KCNK10: variants seen among roughly 807,000 people sequenced by gnomAD.
KCNK10 encodes the protein potassium two pore domain channel subfamily K member 10.
In KCNK10, 25 loss-of-function variants were observed where a neutral mutation model predicts 47.7. The observed-to-expected ratio is 0.52, with a 90% CI of 0.38 to 0.73. The LOEUF is 0.73. Among genes scored for constraint, KCNK10 ranks in the 30% least tolerant of loss-of-function variants. The pLI is 0.00. For synonymous variants in KCNK10, 303 were observed against 285.6 expected (o/e 1.06, Z -0.61); for missense variants, 563 against 714.5 (o/e 0.79, Z 2.42).
At chr14:88,293,277 C>G (rs968082261) in intron 1 of KCNK10, among the ~76,000 whole-genome samples, 3 of 152,080 alleles carry the variant, frequency 2.0e-5, no homozygotes, top group African/African-American at 7.2e-5. Context: ...CCAGCTCTAC[C>G]CTCTAAATTC....
At chr14:88,223,880 G>A (rs113652276) in intron 4 of KCNK10, among the ~76,000 whole-genome samples, 321 of 151,844 alleles carry the variant, frequency 2.1e-3, no homozygotes, top group Non-Finnish European at 3.6e-3. Context: ...CTGTACACCC[G>A]GCTTAAAAAA....
intron 2 of KCNK10, among the ~76,000 whole-genome samples, chr14:88,242,005 C>T (rs894374388): frequency 7.2e-5 from 11 of 152,180 alleles, no homozygotes; most frequent in Non-Finnish European, 2.9e-5. Context: ...GATAAAAAAG[C>T]GACAGGTGGA....
intron 3 of KCNK10, among the ~76,000 whole-genome samples, chr14:88,228,227 C>A (rs967267128): frequency 1.3e-5 from 2 of 152,138 alleles, no homozygotes; most frequent in Non-Finnish European, 2.9e-5. Context: ...TAATAAGATG[C>A]TAAAAGTTTA....
chr14:88,266,864 A>G (rs1469058833), intron 1 of KCNK10, among the ~76,000 whole-genome samples: 1 of 152,200 alleles, frequency 6.6e-6, no homozygotes, highest in Non-Finnish European at 1.5e-5. Flanking sequence ...ACTGACCTGC[A>G]TCATGGATGC....
intron 1 of KCNK10, among the ~76,000 whole-genome samples, chr14:88,297,846 T>C (rs1170330324): frequency 6.6e-6 from 1 of 152,190 alleles, no homozygotes; most frequent in Non-Finnish European, 1.5e-5. Context: ...GAACTATGCA[T>C]GAAAATGAAT....
intron 4 of KCNK10, among the ~76,000 whole-genome samples, chr14:88,220,959 T>C (rs1885790062): frequency 6.6e-6 from 1 of 151,564 alleles, no homozygotes; most frequent in African/African-American, 2.4e-5. Flanking sequence ...AAGGATATAC[T>C]AGATAAAAAA....
intron 4 of KCNK10, among the ~76,000 whole-genome samples, chr14:88,213,923 T>TATC (rs1885536539): frequency 8.0e-6 from 1 of 124,372 alleles, no homozygotes; most frequent in Admixed American, 7.7e-5. Context: ...TATTTTACTT[T>TATC]ATTATTATTA....
At chr14:88,274,584 C>A (rs1452510170) in intron 1 of KCNK10, among the ~76,000 whole-genome samples, 3 of 121,912 alleles carry the variant, frequency 2.5e-5, no homozygotes, top group African/African-American at 8.8e-5. Context: ...TGGCTTAAGT[C>A]CGTAACATGT....
At chr14:88,323,995 G>T (rs1311676701), upstream of KCNK10, among the ~76,000 whole-genome samples, 1 of 152,164 alleles carries the variant, frequency 6.6e-6, no homozygotes, top group Non-Finnish European at 1.5e-5. Context: ...GGGGAAGCTC[G>T]CTCCCAAGGC....
chr14:88,310,155 C>CTCATATACCATATTATATGGTATA (rs1888283889), intron 1 of KCNK10, among the ~76,000 whole-genome samples: 1 of 23,994 alleles, frequency 4.2e-5, no homozygotes, highest in Non-Finnish European at 8.0e-5. Context: ...CCATATCTCT[C>CTCATATACCATATTATATGGTATA]TCATATACCA....
At chr14:88,219,786 C>T (rs532869863) in intron 4 of KCNK10, among the ~76,000 whole-genome samples, 16 of 152,244 alleles carry the variant, frequency 1.1e-4, no homozygotes, top group South Asian at 2.1e-4. Flanking sequence ...CCAGCCCCAC[C>T]GCCCCCACCA....
intron 4 of KCNK10, among the ~76,000 whole-genome samples, chr14:88,214,483 C>T (rs1187816252): frequency 6.6e-6 from 1 of 152,188 alleles, no homozygotes; most frequent in Non-Finnish European, 1.5e-5. Context: ...CAAAACAAGT[C>T]AGCTATTGGT....
In KCNK10 at chr14:88,181,045, G is replaced by A; in HGVS notation, c.*4490C>T. On this transcript the variant is annotated 3_prime_UTR_variant, in exon 7 of 7. Coordinates refer to ENST00000319231, the MANE Select transcript of KCNK10 (RefSeq NM_138317.3). Reference sequence around the variant, plus strand: ...ACCCCATATTAGCAAAATGCAACAAGCAGAGATGTGGAATGCAACACTGGC... The same window carrying A: ...ACCCCATATTAGCAAAATGCAACAAACAGAGATGTGGAATGCAACACTGGC... 1 of 387,452 alleles carries A rather than the reference G, an allele frequency of 2.6e-6. No homozygotes were observed. The highest frequency in any genetic ancestry group is 4.6e-6 in the Non-Finnish European group (1 of 219,376). The allele number at this position is 387,452 out of a possible 1,614,324, so 24.0% of individuals were successfully genotyped here.
intron 1 of KCNK10, among the ~76,000 whole-genome samples, chr14:88,285,339 T>C (rs906541743): frequency 6.6e-6 from 1 of 152,172 alleles, no homozygotes; most frequent in African/African-American, 2.4e-5. Flanking sequence ...CTAGAACTCC[T>C]GACCTCAAGT....
At chr14:88,301,551 C>A (rs1031258148) in intron 1 of KCNK10, among the ~76,000 whole-genome samples, 11 of 149,304 alleles carry the variant, frequency 7.4e-5, no homozygotes, top group Non-Finnish European at 1.5e-4. Context: ...CAGGAGTGGG[C>A]GGTTAGAGAA....
At chr14:88,291,579 G>C (rs1887878442) in intron 1 of KCNK10, among the ~76,000 whole-genome samples, 1 of 152,220 alleles carries the variant, frequency 6.6e-6, no homozygotes, top group African/African-American at 2.4e-5. Flanking sequence ...TGGAACCCCA[G>C]CTGGGTGCCT....
At chr14:88,279,718 T>C (rs935572760) in intron 1 of KCNK10, among the ~76,000 whole-genome samples, 5 of 151,994 alleles carry the variant, frequency 3.3e-5, no homozygotes, top group Non-Finnish European at 7.4e-5. Context: ...GCCAAAAACA[T>C]AGTGAAGTAC....
intron 4 of KCNK10, among the ~76,000 whole-genome samples, chr14:88,199,997 TTCTC>T (rs1321121642): frequency 3.3e-5 from 5 of 152,034 alleles, no homozygotes; most frequent in Non-Finnish European, 7.4e-5. Context: ...TTTTCTTTCT[TTCTC>T]TTCTTTCCTT....
chr14:88,309,417 C>T (rs1263932368), intron 1 of KCNK10, among the ~76,000 whole-genome samples: 1 of 152,096 alleles, frequency 6.6e-6, no homozygotes, highest in Admixed American at 6.5e-5. Context: ...GCCTGGGCAA[C>T]ATGGCAAAAT....
Sources: allele counts gnomAD v4.1 joint callset (sites outside exome capture counted in the v4.1 genomes callset), GRCh38; gene constraint gnomAD v4.1.1; transcripts MANE v1.5; gene names NCBI Gene and HGNC (gene_info 2026-07-23, HGNC 2026-07-21).